Variants in PLCXD3 observed in about 807,000 individuals in gnomAD.
PLCXD3 encodes the protein phosphatidylinositol specific phospholipase C X domain containing 3.
A neutral mutation model predicts 25.5 loss-of-function variants in PLCXD3; 19 were observed. The observed-to-expected ratio is 0.75, with a 90% CI of 0.52 to 1.09. The LOEUF is 1.09. PLCXD3 is among the 50% of genes least tolerant of loss of function. The pLI is 0.00. For missense variants in PLCXD3, 411 were observed against 388.1 expected (o/e 1.06, Z -0.50); for synonymous variants, 174 against 137.6 (o/e 1.26, Z -1.85).
chr5:41,415,122 C>T (rs1746663887), intron 1 of PLCXD3, among the ~76,000 whole-genome samples: 1 of 152,076 alleles, frequency 6.6e-6, no homozygotes, highest in African/African-American at 2.4e-5. Context: ...AATGTATCCC[C>T]TATGGAAAAG....
At chr5:41,500,913 T>A (rs1218050616) in intron 1 of PLCXD3, among the ~76,000 whole-genome samples, 5 of 151,984 alleles carry the variant, frequency 3.3e-5, no homozygotes, top group Non-Finnish European at 7.4e-5. Flanking sequence ...AGTATAGACA[T>A]TTCTCTAAAG....
chr5:41,486,899 G>A lies in PLCXD3; in HGVS notation c.103+23525C>T, dbSNP rs558131815. On this transcript the variant is annotated intron_variant, in intron 1 of 2. Coordinates refer to ENST00000377801, the MANE Select transcript of PLCXD3 (RefSeq NM_001005473.3). The stretch of plus-strand genomic sequence containing the variant: ...CCCTGGAGCTATTGTAAGTAGCAGA[G>A]CCACAGTTTAAACCAAGACTGACCA... 2.0e-4 allele frequency among the ~76,000 whole-genome samples: 30 copies of A among 152,246 alleles called. 1 individual carries two copies. The highest frequency in any genetic ancestry group is 6.2e-4 in the South Asian group (3 of 4,828).
chr5:41,392,992 G>A (rs1288472707), intron 1 of PLCXD3, among the ~76,000 whole-genome samples: 2 of 152,120 alleles, frequency 1.3e-5, no homozygotes, highest in African/African-American at 2.4e-5. Context: ...TGAGTTTGAA[G>A]ACAAGCTACT....
At position 41,448,057 on chromosome 5, in the gene PLCXD3, A is replaced by G. The variant is rs2150513352; in HGVS notation, c.103+62367T>C. ...ATTCTCAGGCTCTGGTGCAGCTGTA[A>G]CTGAAAGCCTCATAACAGCTCTTAA... On this transcript the variant is annotated intron_variant, in intron 1 of 2. Transcript: ENST00000377801. Among the ~76,000 whole-genome samples, 2 of 152,370 alleles carry G rather than the reference A, an allele frequency of 1.3e-5. 1 individual carries two copies.
intron 1 of PLCXD3, among the ~76,000 whole-genome samples, chr5:41,395,042 G>C (rs1317647635): frequency 1.3e-5 from 2 of 151,974 alleles, no homozygotes; most frequent in Non-Finnish European, 2.9e-5. Flanking sequence ...TCAGCACATG[G>C]ATATATTATC....
chr5:41,351,617 C>G (rs1230212562), intron 2 of PLCXD3, among the ~76,000 whole-genome samples: 2 of 152,108 alleles, frequency 1.3e-5, no homozygotes, highest in Non-Finnish European at 2.9e-5. Flanking sequence ...GGCTTGTGGT[C>G]TTCAGTTTTC....
At chr5:41,434,196 C>T (rs182543797) in intron 1 of PLCXD3, among the ~76,000 whole-genome samples, 18 of 152,174 alleles carry the variant, frequency 1.2e-4, no homozygotes, top group African/African-American at 2.2e-4. Context: ...TTGGCTGCTA[C>T]GCAAGTTGCT....
At chr5:41,345,516 T>G (rs1299679109) in intron 2 of PLCXD3, among the ~76,000 whole-genome samples, 2 of 152,198 alleles carry the variant, frequency 1.3e-5, no homozygotes, top group Admixed American at 1.3e-4. Flanking sequence ...GCCTAGAGAA[T>G]GAGAATATTC....
intron 1 of PLCXD3, among the ~76,000 whole-genome samples, chr5:41,507,613 G>A (rs1176455693): frequency 6.6e-6 from 1 of 152,162 alleles, no homozygotes; most frequent in East Asian, 1.9e-4. Flanking sequence ...GTTTTTTGCT[G>A]TAACTCTGGG....
At chr5:41,475,399 T>C (rs1311406498) in intron 1 of PLCXD3, among the ~76,000 whole-genome samples, 1 of 152,226 alleles carries the variant, frequency 6.6e-6, no homozygotes, top group Non-Finnish European at 1.5e-5. Flanking sequence ...TGGCTTCTGC[T>C]AGTCTCTACT....
intron 2 of PLCXD3, among the ~76,000 whole-genome samples, chr5:41,327,305 G>A (rs965230829): frequency 3.3e-5 from 5 of 152,260 alleles, no homozygotes; most frequent in South Asian, 2.1e-4. Flanking sequence ...TGGCCAGGTC[G>A]TTAAGGACTT....
intron 1 of PLCXD3, among the ~76,000 whole-genome samples, chr5:41,448,133 A>G (rs138084672): frequency 5.0e-4 from 76 of 152,324 alleles, no homozygotes; most frequent in African/African-American, 1.8e-3. Flanking sequence ...GATCTCTAGG[A>G]CCAAAACAGA....
intron 1 of PLCXD3, among the ~76,000 whole-genome samples, chr5:41,472,789 T>A (rs1748194289): frequency 6.6e-6 from 1 of 152,246 alleles, no homozygotes; most frequent in South Asian, 2.1e-4. Context: ...CTCAGGGGAT[T>A]CATTAGTTGA....
chr5:41,462,641 T>C (rs1229650888), intron 1 of PLCXD3, among the ~76,000 whole-genome samples: 1 of 151,772 alleles, frequency 6.6e-6, no homozygotes, highest in Non-Finnish European at 1.5e-5. Flanking sequence ...TAAAGTGTCT[T>C]CTTAAAGAAA....
chr5:41,343,377 G>GA (rs1481450503), intron 2 of PLCXD3, among the ~76,000 whole-genome samples: 2 of 151,598 alleles, frequency 1.3e-5, no homozygotes, highest in African/African-American at 2.4e-5. Flanking sequence ...TACATAAACA[G>GA]AAAAAAAATC....
chr5:41,323,116 G>A (rs1195058673), intron 2 of PLCXD3, among the ~76,000 whole-genome samples: 3 of 152,142 alleles, frequency 2.0e-5, no homozygotes, highest in Non-Finnish European at 4.4e-5. Context: ...AATAAGCCAG[G>A]TACAGAAAGA....
At chr5:41,331,487 G>A (rs964108366) in intron 2 of PLCXD3, among the ~76,000 whole-genome samples, 2 of 152,180 alleles carry the variant, frequency 1.3e-5, no homozygotes, top group Non-Finnish European at 2.9e-5. Context: ...TGGGTAAGGA[G>A]AGTCAATATC....
chr5:41,419,678 G>A (rs1240134378), intron 1 of PLCXD3, among the ~76,000 whole-genome samples: 1 of 152,114 alleles, frequency 6.6e-6, no homozygotes, highest in Non-Finnish European at 1.5e-5. Flanking sequence ...AAAATGACAT[G>A]TATTCTAGAA....
chr5:41,458,889 TA>T (rs1217365810), intron 1 of PLCXD3, among the ~76,000 whole-genome samples: 2 of 151,984 alleles, frequency 1.3e-5, no homozygotes, highest in Non-Finnish European at 2.9e-5. Context: ...TCTGTAAACA[TA>T]TGCAATCTAC....
Sources: gnomAD v4.1 joint callset for allele counts (sites outside exome capture counted in the v4.1 genomes callset) on GRCh38, gnomAD v4.1.1 for gene constraint, MANE v1.5 for transcripts, NCBI Gene and HGNC (gene_info 2026-07-23, HGNC 2026-07-21) for gene names.